The following SNUPN variants were observed in gnomAD, a reference collection of about 807,000 sequenced individuals.
SNUPN encodes snurportin 1, also known as snurportin-1.
SNUPN carries 31 observed loss-of-function variants against 39.2 expected under a neutral mutation model. That is an observed-to-expected ratio of 0.79 (90% CI 0.59 to 1.07). SNUPN has a LOEUF of 1.07. Ranked by LOEUF, SNUPN falls within the 50% of genes least tolerant of loss-of-function variation. The pLI is 0.00. For missense variants in SNUPN, 382 were observed against 434.2 expected (o/e 0.88, Z 1.07); for synonymous variants, 132 against 159.0 (o/e 0.83, Z 1.28).
chr15:75,607,124 A>T, intron 6 of SNUPN, 92 bp downstream of exon 6: 1 of 829,606 alleles, frequency 1.2e-6, no homozygotes, highest in East Asian at 2.4e-5. Context: ...CACACCAAGA[A>T]GTTGGTCACA....
intron 3 of SNUPN, among the ~76,000 whole-genome samples, chr15:75,610,828 A>G (rs1315248434): frequency 6.6e-6 from 1 of 152,160 alleles, no homozygotes; most frequent in Non-Finnish European, 1.5e-5. Flanking sequence ...TGGTGAAATT[A>G]ATTTGGGAAG....
At chr15:75,611,745 C>T (rs1186663712) in intron 3 of SNUPN, among the ~76,000 whole-genome samples, 1 of 151,814 alleles carries the variant, frequency 6.6e-6, no homozygotes, top group African/African-American at 2.4e-5. Flanking sequence ...GTCCCAGCTA[C>T]TCGGGAGGTT....
At chr15:75,609,419 G>A (rs1892721748) in intron 5 of SNUPN, 139 bp downstream of exon 5, 2 of 658,310 alleles carry the variant, frequency 3.0e-6, no homozygotes, top group Non-Finnish European at 5.5e-6. Context: ...TCGATCTCCT[G>A]ACCTCATGAT....
intron 6 of SNUPN, 91 bp downstream of exon 6, chr15:75,607,125 G>A: frequency 1.2e-6 from 1 of 841,980 alleles, no homozygotes; most frequent in South Asian, 1.3e-5. Flanking sequence ...ACACCAAGAA[G>A]TTGGTCACAT....
At chr15:75,621,543 T>C (rs1893071437) in intron 1 of SNUPN, among the ~76,000 whole-genome samples, 1 of 152,202 alleles carries the variant, frequency 6.6e-6, no homozygotes, top group African/African-American at 2.4e-5. Flanking sequence ...ATTATAGGTG[T>C]GAGCCACTGC....
chr15:75,615,910 C>G (rs1892919538), intron 3 of SNUPN, among the ~76,000 whole-genome samples: 1 of 151,908 alleles, frequency 6.6e-6, no homozygotes, highest in South Asian at 2.1e-4. Context: ...ACCTGGCCAG[C>G]ATCTCACTTT....
At chr15:75,601,427 T>C (rs1480687380) in intron 7 of SNUPN, among the ~76,000 whole-genome samples, 2 of 151,730 alleles carry the variant, frequency 1.3e-5, no homozygotes, top group Non-Finnish European at 2.9e-5. Context: ...ATACAAAAAT[T>C]AGCCAGGCAT....
At chr15:75,607,343 G>A in intron 5 of SNUPN, 30 bp from the exon 6 acceptor site, 1 of 1,495,342 alleles carries the variant, frequency 6.7e-7, no homozygotes, top group African/African-American at 1.4e-5. Context: ...AGTCAGCACA[G>A]AGTTCTTCTT....
intron 3 of SNUPN, 61 bp downstream of exon 3, chr15:75,617,347 C>T: frequency 6.5e-7 from 1 of 1,547,346 alleles, no homozygotes; most frequent in Non-Finnish European, 8.8e-7. Flanking sequence ...TTTCAGTGGG[C>T]TTTGACTGCA....
At chr15:75,609,425 A>G (rs927135314) in intron 5 of SNUPN, 133 bp downstream of exon 5, 4 of 676,048 alleles carry the variant, frequency 5.9e-6, no homozygotes, top group African/African-American at 3.5e-5. Context: ...TCCTGACCTC[A>G]TGATCCACCC....
chr15:75,607,135 T>C, intron 6 of SNUPN, 81 bp downstream of exon 6: 1 of 969,814 alleles, frequency 1.0e-6, no homozygotes, highest in South Asian at 1.3e-5. Context: ...GTTGGTCACA[T>C]ACCAAACCCA....
intron 2 of SNUPN, among the ~76,000 whole-genome samples, chr15:75,620,585 T>C (rs1893041543): frequency 6.6e-6 from 1 of 152,136 alleles, no homozygotes; most frequent in African/African-American, 2.4e-5. Flanking sequence ...AGTCTGGGCG[T>C]GGCTTTCGCA....
chr15:75,601,002 C>A (rs2075281076), intron 8 of SNUPN, 136 bp downstream of exon 8: 2 of 705,612 alleles, frequency 2.8e-6, no homozygotes, highest in South Asian at 1.5e-5. Context: ...CAAGTACATC[C>A]TTTCTCCAGA....
In SNUPN at chr15:75,598,681, C is replaced by T. The variant is rs762939400; in HGVS notation, c.760G>A (p.Val254Ile). ...DVLSMDFPFE[V>I]DGLLFYHKQT... ...TTGTGGTAGAAGAGAAGTCCATCTA[C>T]CTATAAGACAAGGGGAAATTGAGGA... Residue 254 changes from valine to isoleucine, a missense_variant and splice_region_variant, in exon 9 of 9, where the codon GTA (valine) becomes ATA (isoleucine). Coordinates refer to ENST00000308588, the MANE Select transcript of SNUPN (RefSeq NM_005701.4). The T allele has an allele frequency of 1.3e-6, 2 of 1,589,946 alleles. No homozygotes were observed. The highest frequency in any genetic ancestry group is 1.7e-6 in the Non-Finnish European group (2 of 1,163,532).
intron 3 of SNUPN, among the ~76,000 whole-genome samples, chr15:75,611,804 G>T (rs1434658020): frequency 1.3e-5 from 2 of 151,684 alleles, no homozygotes; most frequent in Non-Finnish European, 2.9e-5. Context: ...GCAGTGAGCC[G>T]AGATAGCACC....
intron 1 of SNUPN, among the ~76,000 whole-genome samples, chr15:75,623,776 C>G (rs1204106211): frequency 6.6e-6 from 1 of 151,956 alleles, no homozygotes; most frequent in Non-Finnish European, 1.5e-5. Context: ...TGCAATGCAA[C>G]CAAGGGTTGC....
At chr15:75,603,648 G>C (rs966806477) in intron 7 of SNUPN, among the ~76,000 whole-genome samples, 2 of 139,036 alleles carry the variant, frequency 1.4e-5, no homozygotes, top group Non-Finnish European at 3.0e-5. Flanking sequence ...GTGACGGAGC[G>C]AGACTCTGTC....
At chr15:75,607,185 G>A (rs746889352) in intron 6 of SNUPN, 31 bp downstream of exon 6, 1 of 1,508,774 alleles carries the variant, frequency 6.6e-7, no homozygotes, top group African/African-American at 1.4e-5. Flanking sequence ...GAGAAGACAG[G>A]AAGAGCCACG....
chr15:75,614,485 G>A (rs75425964), intron 3 of SNUPN, among the ~76,000 whole-genome samples: 1 of 152,010 alleles, frequency 6.6e-6, no homozygotes, highest in Admixed American at 6.6e-5. Context: ...TATGATGAAC[G>A]TTGGAAACCT....
Sources: gnomAD v4.1 joint callset for allele counts (sites outside exome capture counted in the v4.1 genomes callset) on GRCh38, gnomAD v4.1.1 for gene constraint, MANE v1.5 for transcripts, NCBI Gene and HGNC (gene_info 2026-07-23, HGNC 2026-07-21) for gene names.